Variants in AGBL4 observed in about 807,000 individuals in gnomAD.
The protein encoded by AGBL4 is AGBL carboxypeptidase 4.
A neutral mutation model predicts 66.4 loss-of-function variants in AGBL4; 58 were observed. That is an observed-to-expected ratio of 0.87 (90% CI 0.71 to 1.09). The LOEUF (loss-of-function observed/expected upper bound fraction) is 1.09. AGBL4 is among the 50% of genes least tolerant of loss of function. The probability of loss-of-function intolerance (pLI) is 0.00; values close to 1 mark genes in which losing one functional copy is unlikely to be tolerated. For missense variants in AGBL4, 579 were observed against 631.0 expected (o/e 0.92, Z 0.88); for synonymous variants, 234 against 222.9 (o/e 1.05, Z -0.44).
chr1:49,439,181 TAGG>T (rs1007314404), intron 3 of AGBL4, among the ~76,000 whole-genome samples: 1 of 152,154 alleles, frequency 6.6e-6, no homozygotes, highest in African/African-American at 2.4e-5. Flanking sequence ...GGGAGTTTGC[TAGG>T]AGATGAACGT....
At chr1:49,047,598 G>A (rs1023883949) in intron 4 of AGBL4, among the ~76,000 whole-genome samples, 1 of 152,112 alleles carries the variant, frequency 6.6e-6, no homozygotes, top group Admixed American at 6.6e-5. Context: ...AGTTGCATGA[G>A]GAGTGAGGAG....
intron 5 of AGBL4, among the ~76,000 whole-genome samples, chr1:49,017,926 A>G (rs1375992703): frequency 6.6e-6 from 1 of 152,108 alleles, no homozygotes; most frequent in Non-Finnish European, 1.5e-5. Context: ...AGAGAAGACA[A>G]CCTAGAGGAA....
chr1:48,881,014 T>C (rs1040535208), intron 5 of AGBL4, among the ~76,000 whole-genome samples: 10 of 152,216 alleles, frequency 6.6e-5, no homozygotes, highest in African/African-American at 9.6e-5. Context: ...TATTATTTTG[T>C]TATTATAAAT....
intron 6 of AGBL4, among the ~76,000 whole-genome samples, chr1:48,786,091 G>A (rs1570669973): frequency 6.6e-6 from 1 of 151,936 alleles, no homozygotes; most frequent in East Asian, 1.9e-4. Context: ...AGAAGGTTAA[G>A]TCATCTCAGA....
chr1:48,613,475 T>C (rs1645271114), intron 9 of AGBL4, among the ~76,000 whole-genome samples: 1 of 152,232 alleles, frequency 6.6e-6, no homozygotes, highest in Non-Finnish European at 1.5e-5. Context: ...CTCCCTGTAA[T>C]AAGAAATCTC....
intron 3 of AGBL4, among the ~76,000 whole-genome samples, chr1:49,302,608 TTTTTATTTTA>T (rs1167039507): frequency 0.051 from 5,630 of 109,824 alleles, 226 homozygotes; most frequent in East Asian, 0.14. Flanking sequence ...TTATTTTATT[TTTTTATTTTA>T]TTTTATTTTA....
intron 1 of AGBL4, among the ~76,000 whole-genome samples, chr1:49,870,395 A>G (rs1646809198): frequency 6.6e-6 from 1 of 152,006 alleles, no homozygotes. Flanking sequence ...CAAAATAATA[A>G]TAACTATCAC....
At chr1:49,596,841 C>T (rs940536250) in intron 3 of AGBL4, among the ~76,000 whole-genome samples, 2 of 152,278 alleles carry the variant, frequency 1.3e-5, no homozygotes, top group East Asian at 3.9e-4. Flanking sequence ...CTTAAAAATG[C>T]TCATGCTTAT....
At chr1:49,543,409 A>G (rs1170098837) in intron 3 of AGBL4, among the ~76,000 whole-genome samples, 1 of 152,078 alleles carries the variant, frequency 6.6e-6, no homozygotes, top group Non-Finnish European at 1.5e-5. Flanking sequence ...GAAACAGGAA[A>G]CTACATTCTA....
At chr1:49,856,849 CT>C (rs926364462) in intron 1 of AGBL4, among the ~76,000 whole-genome samples, 4 of 151,978 alleles carry the variant, frequency 2.6e-5, no homozygotes, top group Non-Finnish European at 4.4e-5. Flanking sequence ...ACTTCTCTTA[CT>C]CAACATGGTA....
At chr1:49,000,684 G>A (rs1441416984) in intron 5 of AGBL4, among the ~76,000 whole-genome samples, 1 of 152,176 alleles carries the variant, frequency 6.6e-6, no homozygotes, top group East Asian at 1.9e-4. Flanking sequence ...TGTTCCCACT[G>A]TAGAAGACTA....
intron 2 of AGBL4, among the ~76,000 whole-genome samples, chr1:49,823,288 A>G (rs930043590): frequency 1.3e-5 from 2 of 152,218 alleles, no homozygotes; most frequent in Non-Finnish European, 2.9e-5. Context: ...CAGCTTAGCT[A>G]TAAGGCAGTG....
intron 4 of AGBL4, among the ~76,000 whole-genome samples, chr1:49,151,196 G>C (rs2148119461): frequency 6.6e-6 from 1 of 150,782 alleles, no homozygotes; most frequent in East Asian, 2.0e-4. Flanking sequence ...ATGAACCTGG[G>C]AGGCGAAGCT....
intron 5 of AGBL4, among the ~76,000 whole-genome samples, chr1:48,888,442 C>T (rs1251266879): frequency 2.2e-4 from 34 of 152,114 alleles, no homozygotes; most frequent in Admixed American, 2.2e-3. Context: ...GCCTGCCCCA[C>T]CCAAGCCCAC....
chr1:48,758,586 C>G (rs1644072369), intron 6 of AGBL4, among the ~76,000 whole-genome samples: 2 of 152,194 alleles, frequency 1.3e-5, no homozygotes, highest in Non-Finnish European at 2.9e-5. Context: ...GAGAGGTTCC[C>G]TACGATCCCT....
intron 5 of AGBL4, among the ~76,000 whole-genome samples, chr1:48,939,474 T>C (rs1188623098): frequency 6.6e-6 from 1 of 152,170 alleles, no homozygotes; most frequent in African/African-American, 2.4e-5. Context: ...ATTCAATTTG[T>C]TCAAACTGCT....
chr1:48,768,144 T>TG (rs1211691753), intron 6 of AGBL4, among the ~76,000 whole-genome samples: 1 of 149,318 alleles, frequency 6.7e-6, no homozygotes, highest in Non-Finnish European at 1.5e-5. Flanking sequence ...AGGAAGTTGC[T>TG]GTAACTTCCT....
intron 5 of AGBL4, among the ~76,000 whole-genome samples, chr1:48,914,029 G>A (rs1459824563): frequency 6.6e-6 from 1 of 152,172 alleles, no homozygotes; most frequent in African/African-American, 2.4e-5. Flanking sequence ...AAGATTGGGA[G>A]TTCAAGAAAA....
At chr1:49,991,296 G>A (rs1477841226) in intron 1 of AGBL4, among the ~76,000 whole-genome samples, 6 of 151,858 alleles carry the variant, frequency 4.0e-5, no homozygotes, top group African/African-American at 1.5e-4. Flanking sequence ...CCCCTTGTAG[G>A]ACATTAGTTT....
Sources: gnomAD v4.1 joint callset for allele counts (sites outside exome capture counted in the v4.1 genomes callset) on GRCh38, gnomAD v4.1.1 for gene constraint, MANE v1.5 for transcripts, NCBI Gene and HGNC (gene_info 2026-07-23, HGNC 2026-07-21) for gene names.